Variants in PDE3A observed in about 807,000 individuals in gnomAD.
PDE3A encodes cGMP-inhibited 3',5'-cyclic phosphodiesterase 3A.
In PDE3A, 43 loss-of-function variants were observed where a neutral mutation model predicts 98.3. The ratio of observed to expected loss-of-function variants is 0.44; its 90% CI spans 0.34 to 0.56. The LOEUF (loss-of-function observed/expected upper bound fraction) is 0.56, where lower values mean the gene tolerates loss of function less well. Among genes scored for constraint, PDE3A ranks in the 20% least tolerant of loss-of-function variants. The pLI is 0.01. For missense variants in PDE3A, 1,427 were observed against 1,440.7 expected (o/e 0.99, Z 0.15); for synonymous variants, 663 against 567.9 (o/e 1.17, Z -2.38).
chr12:20,625,443 G>A (rs577128691), intron 5 of PDE3A, among the ~76,000 whole-genome samples: 1 of 152,098 alleles, frequency 6.6e-6, no homozygotes, highest in East Asian at 1.9e-4. Flanking sequence ...TCTAGACTCT[G>A]TTTTTCCTAT....
Position 20,502,998 on chromosome 12 carries a change from G to A in PDE3A, c.961-53662G>A, listed in dbSNP as rs905191222. Among the ~76,000 whole-genome samples, 67 of 152,124 alleles carry A rather than the reference G, an allele frequency of 4.4e-4. 1 individual carries two copies. The highest frequency in any genetic ancestry group is 1.8e-4 in the Non-Finnish European group (12 of 67,982). On this transcript the variant is annotated intron_variant, in intron 1 of 15. Transcript: ENST00000359062. ...TATAAATGGAGATGATGCATATCTC[G>A]TTGGATTATTGTGAAGCCTAAATGA...
chr12:20,566,140 A>G (rs1942648992), intron 2 of PDE3A, among the ~76,000 whole-genome samples: 1 of 151,990 alleles, frequency 6.6e-6, no homozygotes, highest in Non-Finnish European at 1.5e-5. Context: ...AAAAGTCACA[A>G]AAATGAAACT....
At chr12:20,450,832 A>G (rs1285711893) in intron 1 of PDE3A, among the ~76,000 whole-genome samples, 1 of 152,230 alleles carries the variant, frequency 6.6e-6, no homozygotes, top group Non-Finnish European at 1.5e-5. Context: ...AGGTCTCACT[A>G]GGGATTTGAA....
rs572856120 is a variant in PDE3A at position 20,372,139 on chromosome 12, G to T, written c.960+1895G>T. ...TCATTTAACCCACACATTTTTATTG[G>T]GTTTCTCTGGTTTAAATTGATAAAT... is the stretch of plus-strand genomic sequence containing the variant. On this transcript the variant is annotated intron_variant, in intron 1 of 15. Transcript: ENST00000359062. Among the ~76,000 whole-genome samples, 183 of 152,132 alleles carry T rather than the reference G, an allele frequency of 1.2e-3. 1 individual carries two copies. Among genetic ancestry groups the T allele is most frequent in the Non-Finnish European group, 1.9e-3 (128 of 67,976 alleles).
At chr12:20,594,402 G>T (rs1426393525) in intron 2 of PDE3A, among the ~76,000 whole-genome samples, 1 of 152,070 alleles carries the variant, frequency 6.6e-6, no homozygotes, top group African/African-American at 2.4e-5. Context: ...GAATTAAGAA[G>T]TCCTTTCTAT....
intron 1 of PDE3A, among the ~76,000 whole-genome samples, chr12:20,555,158 G>C (rs1942336714): frequency 6.6e-6 from 1 of 151,944 alleles, no homozygotes; most frequent in Non-Finnish European, 1.5e-5. Context: ...CAAGTAGCTG[G>C]GGCTACAGGT....
At chr12:20,509,658 T>C (rs771737364) in intron 1 of PDE3A, among the ~76,000 whole-genome samples, 15 of 152,118 alleles carry the variant, frequency 9.9e-5, no homozygotes, top group Non-Finnish European at 2.1e-4. Flanking sequence ...GCTCTGAAAT[T>C]ATTGTAGCCT....
Position 20,633,087 on chromosome 12 carries a change from T to C in PDE3A, c.1761-606T>C, listed in dbSNP as rs1308977985. Among the ~76,000 whole-genome samples, 3 of 151,712 alleles carry C rather than the reference T, an allele frequency of 2.0e-5. No homozygotes were observed. The East Asian group carries it at 5.9e-4, about 30-fold the overall frequency. On this transcript the variant is annotated intron_variant, in intron 6 of 15. Coordinates refer to ENST00000359062, the MANE Select transcript of PDE3A (RefSeq NM_000921.5). The stretch of plus-strand genomic sequence containing the variant: ...TGCCTCAGCCTCCCCAAGTAGCTGG[T>C]ATTACAGGCATCCACCACCCTGCCT...
intron 1 of PDE3A, among the ~76,000 whole-genome samples, chr12:20,543,320 T>A (rs1440972692): frequency 6.6e-6 from 1 of 151,932 alleles, no homozygotes; most frequent in African/African-American, 2.4e-5. Context: ...TGTTTCCAAC[T>A]AACAAATAAT....
rs899595105 is a variant in PDE3A at position 20,552,603 on chromosome 12, G to T, written c.961-4057G>T. The T allele has an allele frequency of 1.2e-6, 2 of 1,613,802 alleles. No individual in the cohort carries two copies. Among genetic ancestry groups the T allele is most frequent in the Middle Eastern group, 1.7e-4 (1 of 6,056 alleles). On this transcript the variant is annotated intron_variant, in intron 1 of 15. Coordinates refer to ENST00000359062, the MANE Select transcript of PDE3A (RefSeq NM_000921.5). This position sits in a 1 kb window ranked among gnomAD's most constrained non-coding sequence, Gnocchi z 5.1. Reference sequence around the variant, plus strand: ...AGTCGGCAGGAGGTGGCCCGAGCAGGGCCGGGTCCCCGCGCCGGACATCCA... The same window carrying T: ...AGTCGGCAGGAGGTGGCCCGAGCAGTGCCGGGTCCCCGCGCCGGACATCCA...
intron 1 of PDE3A, among the ~76,000 whole-genome samples, chr12:20,381,465 G>C (rs1530445): frequency 0.68 from 103,332 of 151,582 alleles, 35,457 homozygotes; most frequent in East Asian, 0.98. Flanking sequence ...AAACTAGAAC[G>C]CTTTATGATT....
At chr12:20,427,971 T>C (rs1041879435) in intron 1 of PDE3A, among the ~76,000 whole-genome samples, 1 of 152,102 alleles carries the variant, frequency 6.6e-6, no homozygotes, top group Non-Finnish European at 1.5e-5. Flanking sequence ...TTTGGGAGGC[T>C]GAGACGGGCG....
intron 2 of PDE3A, among the ~76,000 whole-genome samples, chr12:20,593,943 G>C (rs941407733): frequency 6.6e-6 from 1 of 152,048 alleles, no homozygotes; most frequent in African/African-American, 2.4e-5. Context: ...TCTCAGGCTG[G>C]AAAAAAGCTA....
At chr12:20,489,695 C>T (rs866858315) in intron 1 of PDE3A, among the ~76,000 whole-genome samples, 10 of 152,228 alleles carry the variant, frequency 6.6e-5, no homozygotes, top group African/African-American at 2.4e-4. Context: ...CACCTACAGA[C>T]AAAATGGCTT....
chr12:20,436,450 T>C (rs1364429825), intron 1 of PDE3A, among the ~76,000 whole-genome samples: 1 of 152,208 alleles, frequency 6.6e-6, no homozygotes, highest in Non-Finnish European at 1.5e-5. Context: ...AAAATGTTTT[T>C]TTCCCAAGAC....
rs866317700 is a variant in PDE3A, at chr12:20,421,578, C to T, written c.960+51334C>T. ...TAAAACACTTGTACCTGTGTGTACT[C>T]CTCAGAGTTTTATTGGTAATAAAAA... On this transcript the variant is annotated intron_variant, in intron 1 of 15. Coordinates refer to ENST00000359062, the MANE Select transcript of PDE3A (RefSeq NM_000921.5). Among the ~76,000 whole-genome samples the T allele has an allele frequency of 8.0e-5, 12 of 150,626 alleles. No homozygotes were observed. In the Middle Eastern group the frequency reaches 0.014, roughly 172 times the overall value.
rs370827698 is a variant in PDE3A at position 20,369,989 on chromosome 12, C to G, written c.705C>G (p.Ala235=). ...TTTCCTTAGAGAGGTTCAAGGTCGC[C>G]TGGAGACCTTACCTGGCGTACCTGG... is the stretch of plus-strand genomic sequence containing the variant. ...SLISLERFKV[A]WRPYLAYLAG... Residue 235 remains alanine, a synonymous_variant, in exon 1 of 16, where the codon GCC becomes GCG. Transcript: ENST00000359062. 49 of 1,613,150 alleles carry G rather than the reference C, an allele frequency of 3.0e-5. No individual in the cohort carries two copies. Among genetic ancestry groups the G allele is most frequent in the Non-Finnish European group, 7.6e-6 (9 of 1,180,014 alleles).
chr12:20,405,663 A>G (rs918665342), intron 1 of PDE3A, among the ~76,000 whole-genome samples: 9 of 152,182 alleles, frequency 5.9e-5, no homozygotes, highest in Non-Finnish European at 1.2e-4. Context: ...ATATACATAT[A>G]CATTGTGAAA....
rs1943917287 is a variant in PDE3A at position 20,613,434 on chromosome 12, G to T, written c.1012-9G>T. On this transcript the variant is annotated splice_polypyrimidine_tract_variant and intron_variant, in intron 2 of 15. Transcript: ENST00000359062. Reference sequence around the variant, plus strand: ...TTCTTGCCTGATCTTGTCTTGGTTTGTGTCTCAGTCTTCAGGAACCAGTAT... The same window carrying T: ...TTCTTGCCTGATCTTGTCTTGGTTTTTGTCTCAGTCTTCAGGAACCAGTAT... 1 of 1,613,820 alleles carries T rather than the reference G, an allele frequency of 6.2e-7. No individual in the cohort carries two copies. Among genetic ancestry groups the T allele is most frequent in the Non-Finnish European group, 8.5e-7 (1 of 1,179,786 alleles).
Sources: allele counts gnomAD v4.1 joint callset (sites outside exome capture counted in the v4.1 genomes callset), GRCh38; gene constraint gnomAD v4.1.1; non-coding constraint Gnocchi (gnomAD v3.1); transcripts MANE v1.5; gene names NCBI Gene and HGNC (gene_info 2026-07-23, HGNC 2026-07-21).